The following CHRD variants were observed in gnomAD, a reference collection of about 807,000 sequenced individuals.
CHRD encodes the protein chordin.
A neutral mutation model predicts 113.7 loss-of-function variants in CHRD; 69 were observed. That is an observed-to-expected ratio of 0.61 (90% confidence interval 0.50 to 0.74). The LOEUF (loss-of-function observed/expected upper bound fraction) is 0.74, where lower values mean the gene tolerates loss of function less well. Among genes scored for constraint, CHRD ranks in the 30% least tolerant of loss-of-function variants. CHRD has a pLI of 0.00. For missense variants in CHRD, 1,194 were observed against 1,295.8 expected, an observed-to-expected ratio of 0.92 and a Z score of 1.21; for synonymous variants, 561 against 540.8, an observed-to-expected ratio of 1.04 and a Z score of -0.52.
downstream of CHRD, chr3:184,390,636 C>G (rs974815471): frequency 6.6e-6 from 1 of 152,008 alleles, no homozygotes; most frequent in Admixed American, 6.6e-5. Context: ...CCATCAAGAC[C>G]CAGGCATTTT....
At position 184,384,996 on chromosome 3, in the gene CHRD, T is replaced by A. The variant is rs574293429; in HGVS notation, c.1598-22T>A. 2 of 1,610,528 alleles carry A rather than the reference T, an allele frequency of 1.2e-6. No individual in the cohort carries two copies. Among genetic ancestry groups the A allele is most frequent in the Admixed American group, 3.3e-5 (2 of 59,968 alleles). On this transcript the variant is annotated intron_variant, in intron 13 of 22. Transcript: ENST00000204604. This position sits in a 1 kb window ranked among gnomAD's most constrained non-coding sequence, Gnocchi z 4.4. ...CCCTAGGCCACCTTCTCACCTGTCATCTCTCCTCTGTCTGGACCCAGCGCT... is the reference window on the plus strand; with the variant it reads ...CCCTAGGCCACCTTCTCACCTGTCAACTCTCCTCTGTCTGGACCCAGCGCT...
In CHRD at chr3:184,380,769, C is replaced by T; in HGVS notation, c.226C>T (p.Arg76Cys). Residue 76 changes from arginine (R) to cysteine (C), a missense_variant, in exon 2 of 23, where the codon CGC becomes TGC. Transcript: ENST00000204604. This position sits in a 1 kb window ranked among gnomAD's most constrained non-coding sequence, Gnocchi z 6.3. ...CCTAGGGGAGCCATTCGGGGTGATG[C>T]GCTGCGTGCTGTGCGCCTGCGAGGC... 6.3e-7 allele frequency: 1 copy of T among 1,598,684 alleles called. No homozygotes were observed.
At chr3:184,386,653 G>T in exon 16 of CHRD, 1 of 1,611,028 alleles carries the variant, frequency 6.2e-7, no homozygotes, top group South Asian at 1.1e-5. Context: ...GTCCTGGGCG[G>T]CCCCGAGACC....
At position 184,387,830 on chromosome 3, in the gene CHRD, GC is replaced by G; in HGVS notation, c.2452-99del. 1 of 1,088,534 alleles carries G rather than the reference GC, an allele frequency of 9.2e-7. No individual in the cohort carries two copies. The highest frequency in any genetic ancestry group is 1.4e-6 in the Non-Finnish European group (1 of 729,684). The allele number at this position is 1,088,534 out of a possible 1,614,324, so 67.4% of individuals were successfully genotyped here. ...GCCAGTCCGGGCCTCTGAGTAAAAG[GC>G]CACAGAGAGACTGCATTTGAGGTGT... is the stretch of plus-strand genomic sequence containing the variant. On this transcript the variant is annotated intron_variant, in intron 19 of 22. Transcript: ENST00000204604. The surrounding 1 kb of genome is among the most constrained non-coding windows in gnomAD (Gnocchi z 6.1).
In CHRD at chr3:184,388,466, C is replaced by CCCAT; in HGVS notation, c.2555-117_2555-114dup. ...ATCCATCCATTCATCTGCCCACCCA[C>CCCAT]CCATCCAAATTTATCACCTACTAAG... On this transcript the variant is annotated intron_variant, in intron 20 of 22. Transcript: ENST00000204604. The surrounding 1 kb of genome is among the most constrained non-coding windows in gnomAD (Gnocchi z 6.1). 1 of 1,108,488 alleles carries CCCAT rather than the reference C, an allele frequency of 9.0e-7. No homozygotes were observed. Among genetic ancestry groups the CCCAT allele is most frequent in the Middle Eastern group, 2.2e-4 (1 of 4,640 alleles). 68.7% of individuals were successfully genotyped at this position (1,108,488 alleles called of 1,614,324 possible). A position where few individuals can be genotyped will look rare whatever the true frequency, so the allele number is the denominator to read the frequency against.
chr3:184,384,943 A>AGCTGGGAAT lies in CHRD; in HGVS notation c.1598-68_1598-60dup. On this transcript the variant is annotated intron_variant, in intron 13 of 22. Transcript: ENST00000204604. This position sits in a 1 kb window ranked among gnomAD's most constrained non-coding sequence, Gnocchi z 4.4. ...CCAGCTCGTGGAATGTGTGCTGGGG[A>AGCTGGGAAT]GCTGGGAATGCTGGGTTTGAGGGCT... 6.9e-7 allele frequency: 1 copy of AGCTGGGAAT among 1,452,330 alleles called. No individual in the cohort carries two copies. The highest frequency in any genetic ancestry group is 1.2e-5 in the South Asian group (1 of 84,456). 90.0% of individuals were successfully genotyped at this position (1,452,330 alleles called of 1,614,324 possible).
Position 184,381,671 on chromosome 3 carries a change from A to C in CHRD, c.512-45A>C. ...GGGTTGTGGTTGAGGCTGGGCCACC[A>C]AAGCGGCGTTTGACAGTGCTCAGGC... On this transcript the variant is annotated intron_variant, in intron 4 of 22. Coordinates refer to ENST00000204604, the Ensembl canonical transcript of CHRD. This position sits in a 1 kb window ranked among gnomAD's most constrained non-coding sequence, Gnocchi z 4.7. 1 of 1,606,490 alleles carries C rather than the reference A, an allele frequency of 6.2e-7. No individual in the cohort carries two copies. The highest frequency in any genetic ancestry group is 8.5e-7 in the Non-Finnish European group (1 of 1,176,044).
intron 17 of CHRD, 54 bp downstream of exon 17, chr3:184,386,992 C>G (rs1049774804): frequency 1.1e-5 from 17 of 1,613,852 alleles, no homozygotes; most frequent in Middle Eastern, 1.6e-4. Flanking sequence ...CGGACAGGTC[C>G]TTTGGGGAGG....
Position 184,380,759 on chromosome 3 carries a change from C to T in CHRD, c.216C>T (p.Phe72=). 1.3e-6 allele frequency: 2 copies of T among 1,599,788 alleles called. No individual in the cohort carries two copies. Among genetic ancestry groups the T allele is most frequent in the African/African-American group, 1.3e-5 (1 of 74,400 alleles). ...GGCACCCGGACCTAGGGGAGCCATT[C>T]GGGGTGATGCGCTGCGTGCTGTGCG... Residue 72 remains phenylalanine (F), a synonymous_variant, in exon 2 of 23, where the codon TTC becomes TTT. Coordinates refer to ENST00000204604, the Ensembl canonical transcript of CHRD. The surrounding 1 kb of genome is among the most constrained non-coding windows in gnomAD (Gnocchi z 6.3).
In CHRD at chr3:184,387,519, G is replaced by A; in HGVS notation, c.2451+42G>A. ...TTCTCTGGTGCCATAACCCAGCGGG[G>A]TCTGCAGAGATGGGGAGGGGCTGCC... On this transcript the variant is annotated intron_variant, in intron 19 of 22. Coordinates refer to ENST00000204604, the Ensembl canonical transcript of CHRD. This position sits in a 1 kb window ranked among gnomAD's most constrained non-coding sequence, Gnocchi z 6.1. 3.9e-6 allele frequency: 6 copies of A among 1,536,614 alleles called. No individual in the cohort carries two copies. The highest frequency in any genetic ancestry group is 2.5e-5 in the South Asian group (2 of 79,262).
At position 184,387,948 on chromosome 3, in the gene CHRD, G is replaced by A; in HGVS notation, c.2469G>A (p.Val823=). Residue 823 remains valine (V), a synonymous_variant, in exon 20 of 23, where the codon GTG becomes GTA. Coordinates refer to ENST00000204604, the Ensembl canonical transcript of CHRD. This position sits in a 1 kb window ranked among gnomAD's most constrained non-coding sequence, Gnocchi z 6.1. ...CCCTACAGGGGGGCACTGGAGAGGT[G>A]CACTGTGAGAAGGTGCAGTGTCCCC... is the stretch of plus-strand genomic sequence containing the variant. The A allele has an allele frequency of 6.2e-7, 1 of 1,612,890 alleles. No homozygotes were observed. Among genetic ancestry groups the A allele is most frequent in the Non-Finnish European group, 8.5e-7 (1 of 1,179,708 alleles).
rs774872526 is a variant in CHRD at position 184,381,621 on chromosome 3, A to G, written c.508A>G (p.Thr170Ala). The G allele has an allele frequency of 3.7e-6, 6 of 1,605,852 alleles. No individual in the cohort carries two copies. Among genetic ancestry groups the G allele is most frequent in the Non-Finnish European group, 4.3e-6 (5 of 1,175,822 alleles). ...GGAGCGGGCCCGTGGTGACGGCCAC[A>G]CGGGTAGGGGGCTGGCGAACAGCGG... Residue 170 changes from threonine to alanine, a missense_variant, in exon 4 of 23, where the codon ACG (threonine) becomes GCG (alanine). Coordinates refer to ENST00000204604, the Ensembl canonical transcript of CHRD. The surrounding 1 kb of genome is among the most constrained non-coding windows in gnomAD (Gnocchi z 4.7).
At chr3:184,383,501 C>T (rs1715798747) in intron 11 of CHRD, 22 bp from the exon 12 acceptor site, 1 of 1,613,408 alleles carries the variant, frequency 6.2e-7, no homozygotes, top group Admixed American at 1.7e-5. Flanking sequence ...CCACTTTGCC[C>T]TCCTCCATCC....
intron 6 of CHRD, 147 bp downstream of exon 6, chr3:184,382,167 G>A (rs913161734): frequency 6.7e-5 from 84 of 1,248,426 alleles, no homozygotes; most frequent in Non-Finnish European, 9.2e-5. Flanking sequence ...GGGGAACTGA[G>A]GCTCAGTAGG....
intron 10 of CHRD, 69 bp downstream of exon 10, chr3:184,383,232 G>A: frequency 3.1e-6 from 5 of 1,588,260 alleles, no homozygotes; most frequent in Non-Finnish European, 4.3e-6. Flanking sequence ...TGCCAGGGTG[G>A]GTGTGGGAGA....
chr3:184,380,911 T>C lies in CHRD; in HGVS notation c.252+116T>C. 2 of 838,064 alleles carry C rather than the reference T, an allele frequency of 2.4e-6. No individual in the cohort carries two copies. Among genetic ancestry groups the C allele is most frequent in the South Asian group, 3.1e-5 (2 of 64,958 alleles). 51.9% of individuals were successfully genotyped at this position (838,064 alleles called of 1,614,324 possible). On this transcript the variant is annotated intron_variant, in intron 2 of 22. Transcript: ENST00000204604. The surrounding 1 kb of genome is among the most constrained non-coding windows in gnomAD (Gnocchi z 6.3). ...GAGCCCAGTCGGCAGATGTTGGGGA[T>C]ATTTTTCTGGTGGAGGAAGGGGAAT... is the stretch of plus-strand genomic sequence containing the variant.
At chr3:184,386,459 C>T in intron 15 of CHRD, 33 bp from the exon 16 acceptor site, 1 of 1,532,960 alleles carries the variant, frequency 6.5e-7, no homozygotes. Context: ...GAGGGGGAGC[C>T]CCAGCGCTGC....
At chr3:184,386,279 C>A in intron 15 of CHRD, 120 bp downstream of exon 15, 2 of 1,234,704 alleles carry the variant, frequency 1.6e-6, no homozygotes, top group Non-Finnish European at 2.3e-6. Flanking sequence ...TATCACAGCG[C>A]CCCCCCGGCT....
At chr3:184,389,649 G>A (rs1716905654) in exon 23 of CHRD, 2 of 550,918 alleles carry the variant, frequency 3.6e-6, no homozygotes, top group South Asian at 4.5e-5. Context: ...TGCCACCCTC[G>A]GCCTCTGTCC....
Sources: gnomAD v4.1 joint callset for allele counts on GRCh38, gnomAD v4.1.1 for gene constraint, Gnocchi (gnomAD v3.1) non-coding constraint, MANE v1.5 for transcripts, NCBI Gene and HGNC (gene_info 2026-07-23, HGNC 2026-07-21) for gene names.